Variants in B3GALNT1 observed in about 807,000 individuals in gnomAD.
The protein encoded by B3GALNT1 is beta-1,3-N-acetylgalactosaminyltransferase 1 (Globoside blood group), also known as UDP-GalNAc:beta-1,3-N-acetylgalactosaminyltransferase 1.
In B3GALNT1, 17 loss-of-function variants were observed where a neutral mutation model predicts 27.3. The observed-to-expected ratio is 0.62, with a 90% CI of 0.43 to 0.94. B3GALNT1 has a LOEUF of 0.94. Among genes scored for constraint, B3GALNT1 ranks in the 40% least tolerant of loss-of-function variants. The pLI is 0.00. For synonymous variants in B3GALNT1, 141 were observed against 144.0 expected, an observed-to-expected ratio of 0.98 and a Z score of 0.15; for missense variants, 347 against 390.0, an observed-to-expected ratio of 0.89 and a Z score of 0.93.
Position 161,086,529 on chromosome 3 carries a change from G to C in B3GALNT1, c.226C>G (p.Gln76Glu), listed in dbSNP as rs760860812. The change falls in exon 5 of 5, where the codon CAA becomes GAA. Residue 76 changes from glutamine to glutamate, a missense_variant. Transcript: ENST00000320474. ...ACCAGAATGACCAGAAATGGATTTT[G>C]ATGAGAGCAGTTTGAATGCTCTCGA... ...TLREHSNCSH[Q>E]NPFLVILVTS... 3 of 1,614,188 alleles carry C rather than the reference G, an allele frequency of 1.9e-6. No homozygotes were observed. The highest frequency in any genetic ancestry group is 2.5e-6 in the Non-Finnish European group (3 of 1,180,038).
At chr3:161,087,939 G>A (rs1376312322) in intron 4 of B3GALNT1, among the ~76,000 whole-genome samples, 3 of 152,190 alleles carry the variant, frequency 2.0e-5, no homozygotes, top group African/African-American at 7.2e-5. Flanking sequence ...CAAATGCTAA[G>A]GAACTTTAGC....
chr3:161,086,825 A>G (rs561518575), intron 4 of B3GALNT1, 37 bp from the exon 5 acceptor site: 1 of 1,571,090 alleles, frequency 6.4e-7, no homozygotes, highest in South Asian at 1.2e-5. Flanking sequence ...AATATTCCAC[A>G]CCGAAAACAC....
chr3:161,092,951 G>T (rs1380138458), intron 4 of B3GALNT1, among the ~76,000 whole-genome samples: 3 of 151,656 alleles, frequency 2.0e-5, no homozygotes, highest in Non-Finnish European at 4.4e-5. Flanking sequence ...TAGACATGGG[G>T]TTTCACCATG....
chr3:161,089,035 T>A (rs1353592770), intron 4 of B3GALNT1, among the ~76,000 whole-genome samples: 44 of 152,246 alleles, frequency 2.9e-4, no homozygotes, highest in Non-Finnish European at 1.5e-5. Flanking sequence ...TCTAAAGAAC[T>A]GGCCAGAACA....
chr3:161,091,212 T>G (rs943616158), intron 4 of B3GALNT1, among the ~76,000 whole-genome samples: 1 of 152,100 alleles, frequency 6.6e-6, no homozygotes, highest in Non-Finnish European at 1.5e-5. Flanking sequence ...CGGGCTGCAG[T>G]GAGCTGTGAT....
chr3:161,101,303 G>A (rs1381806097), intron 3 of B3GALNT1, 70 bp from the exon 4 acceptor site: 2 of 978,966 alleles, frequency 2.0e-6, no homozygotes, highest in Non-Finnish European at 2.8e-6. Flanking sequence ...TGGGCTTTCT[G>A]TGTCTGTTTT....
At position 161,105,302 on chromosome 3, in the gene B3GALNT1, A is replaced by T. The variant is rs1733791718; in HGVS notation, c.-376T>A. On this transcript the variant is annotated 5_prime_UTR_variant, in exon 1 of 5. Transcript: ENST00000320474. ...GCCGGCGTTCTCTCCCTGCGCACAC[A>T]CGCAGCCTCCCCGCATCCGCACGCA... The T allele has an allele frequency of 6.6e-6, 1 of 151,572 alleles. No individual in the cohort carries two copies. The highest frequency in any genetic ancestry group is 1.5e-5 in the Non-Finnish European group (1 of 68,012). 9.4% of individuals were successfully genotyped at this position (151,572 alleles called of 1,614,324 possible). A position where few individuals can be genotyped will look rare whatever the true frequency, so the allele number is the denominator to read the frequency against.
In B3GALNT1 at chr3:161,103,479, T is replaced by C. The variant is rs1282597592; in HGVS notation, c.-182A>G. On this transcript the variant is annotated 5_prime_UTR_variant, in exon 3 of 5. Coordinates refer to ENST00000320474, the MANE Select transcript of B3GALNT1 (RefSeq NM_003781.4). ...TTAAGTTTTTTGTTGTTTTCTGTATTCCATGCTTAATTAAAACACTCAGAT... is the reference window on the plus strand; with the variant it reads ...TTAAGTTTTTTGTTGTTTTCTGTATCCCATGCTTAATTAAAACACTCAGAT... 3.1e-6 allele frequency: 4 copies of C among 1,283,782 alleles called. No individual in the cohort carries two copies. Among genetic ancestry groups the C allele is most frequent in the Non-Finnish European group, 4.1e-6 (4 of 984,128 alleles). 79.5% of individuals were successfully genotyped at this position (1,283,782 alleles called of 1,614,324 possible). A position where few individuals can be genotyped will look rare whatever the true frequency, so the allele number is the denominator to read the frequency against.
intron 4 of B3GALNT1, among the ~76,000 whole-genome samples, chr3:161,090,328 T>A (rs971124357): frequency 2.6e-5 from 4 of 152,066 alleles, no homozygotes; most frequent in African/African-American, 9.7e-5. Flanking sequence ...AACTGATACA[T>A]CAAGCAGATA....
At chr3:161,100,049 A>C (rs924973116) in intron 4 of B3GALNT1, among the ~76,000 whole-genome samples, 3 of 152,192 alleles carry the variant, frequency 2.0e-5, no homozygotes, top group Non-Finnish European at 4.4e-5. Context: ...AAAGCTTAGA[A>C]GTGCCATGGT....
chr3:161,091,427 A>G (rs1328211183), intron 4 of B3GALNT1, among the ~76,000 whole-genome samples: 1 of 152,220 alleles, frequency 6.6e-6, no homozygotes, highest in Non-Finnish European at 1.5e-5. Flanking sequence ...TAAACAATTC[A>G]TAAGCTTTAA....
chr3:161,090,041 C>T, intron 4 of B3GALNT1: 1 of 192,736 alleles, frequency 5.2e-6, no homozygotes. Context: ...TGTACTCCAG[C>T]CTGGGCAACA....
At chr3:161,092,088 T>A (rs918785973) in intron 4 of B3GALNT1, among the ~76,000 whole-genome samples, 7 of 152,156 alleles carry the variant, frequency 4.6e-5, no homozygotes, top group Non-Finnish European at 8.8e-5. Context: ...AAACACCTAT[T>A]ATGTATCTCC....
At position 161,086,376 on chromosome 3, in the gene B3GALNT1, T is replaced by C; in HGVS notation, c.379A>G (p.Lys127Glu). ...TCCTCTAAGGACAATGCCAACATTTTGTCTTCCTTTTCAGCCTCTTGGCCT... is the reference window on the plus strand; with the variant it reads ...TCCTCTAAGGACAATGCCAACATTTCGTCTTCCTTTTCAGCCTCTTGGCCT... ...LLGQEAEKED[K>E]MLALSLEDEH... Residue 127 changes from lysine (K) to glutamate (E), a missense_variant, in exon 5 of 5, where the codon AAA becomes GAA. Lys to Glu is a moderately conservative substitution (Grantham distance 56). Transcript: ENST00000320474. The C allele has an allele frequency of 1.2e-6, 2 of 1,614,190 alleles. No homozygotes were observed. The highest frequency in any genetic ancestry group is 8.5e-7 in the Non-Finnish European group (1 of 1,180,034).
At chr3:161,091,895 C>A (rs1389202846) in intron 4 of B3GALNT1, among the ~76,000 whole-genome samples, 1 of 152,172 alleles carries the variant, frequency 6.6e-6, no homozygotes, top group African/African-American at 2.4e-5. Context: ...GATGATTATA[C>A]ATCAGAGTTT....
intron 4 of B3GALNT1, among the ~76,000 whole-genome samples, chr3:161,089,270 C>T (rs1723650247): frequency 6.6e-6 from 1 of 152,222 alleles, no homozygotes; most frequent in Non-Finnish European, 1.5e-5. Flanking sequence ...TTATTATCAG[C>T]TGTGGTTCTA....
chr3:161,103,371 T>G (rs528946682), intron 3 of B3GALNT1, 56 bp downstream of exon 3: 5 of 834,790 alleles, frequency 6.0e-6, no homozygotes, highest in South Asian at 1.5e-5. Flanking sequence ...AGGGCATTAT[T>G]ATGGGCATTT....
At chr3:161,102,647 T>C (rs1393433034) in intron 3 of B3GALNT1, among the ~76,000 whole-genome samples, 2 of 152,238 alleles carry the variant, frequency 1.3e-5, no homozygotes, top group East Asian at 3.8e-4. Flanking sequence ...CTGTAACTTT[T>C]GAATGTATCT....
chr3:161,098,957 T>C (rs1271149770), intron 4 of B3GALNT1, among the ~76,000 whole-genome samples: 2 of 152,226 alleles, frequency 1.3e-5, no homozygotes, highest in African/African-American at 2.4e-5. Context: ...AGCTTCTCTG[T>C]AAAGAGAGCT....
Sources: gnomAD v4.1 joint callset for allele counts (sites outside exome capture counted in the v4.1 genomes callset) on GRCh38, gnomAD v4.1.1 for gene constraint, MANE v1.5 for transcripts, NCBI Gene and HGNC (gene_info 2026-07-23, HGNC 2026-07-21) for gene names.